Variants in RGS6 observed in about 807,000 individuals in gnomAD.
The protein encoded by RGS6 is regulator of G-protein signaling 6.
In RGS6, 30 loss-of-function variants were observed where a neutral mutation model predicts 78.5. The observed-to-expected ratio is 0.38, with a 90% CI of 0.29 to 0.52. RGS6 has a LOEUF of 0.52. Ranked by LOEUF, RGS6 falls within the 20% of genes least tolerant of loss-of-function variation. RGS6 has a pLI of 0.85. For synonymous variants in RGS6, 206 were observed against 206.0 expected (o/e 1.00, Z 0.00); for missense variants, 495 against 609.7 (o/e 0.81, Z 1.98).
the RGS6 span, among the ~76,000 whole-genome samples, chr14:72,616,078 T>C: frequency 1.3e-5 from 2 of 152,180 alleles, no homozygotes; most frequent in Non-Finnish European, 2.9e-5. Context: ...GGGACCATCA[T>C]CATGCCAGAC....
chr14:72,104,145 A>T (rs1025982024), intron 2 of RGS6, among the ~76,000 whole-genome samples: 10 of 152,022 alleles, frequency 6.6e-5, no homozygotes, highest in Admixed American at 2.0e-4. Flanking sequence ...TACATATGGG[A>T]TGGTATCGTA....
At chr14:72,095,453 T>C (rs1345759826) in intron 2 of RGS6, among the ~76,000 whole-genome samples, 1 of 152,196 alleles carries the variant, frequency 6.6e-6, no homozygotes, top group Non-Finnish European at 1.5e-5. Flanking sequence ...AGGAGGGAAG[T>C]GCAAAGTGGT....
At chr14:72,245,752 G>A (rs976268125) in intron 2 of RGS6, among the ~76,000 whole-genome samples, 1 of 152,230 alleles carries the variant, frequency 6.6e-6, no homozygotes, top group Non-Finnish European at 1.5e-5. Flanking sequence ...GCTCCCAACA[G>A]ACTTGAAGAA....
chr14:72,089,936 G>T (rs1033066260), intron 2 of RGS6, among the ~76,000 whole-genome samples: 2 of 152,078 alleles, frequency 1.3e-5, no homozygotes, highest in Non-Finnish European at 2.9e-5. Context: ...CTGACAGGAA[G>T]GGAGATTGGA....
chr14:72,356,076 G>T (rs2080214803), intron 3 of RGS6, among the ~76,000 whole-genome samples: 1 of 152,148 alleles, frequency 6.6e-6, no homozygotes, highest in Non-Finnish European at 1.5e-5. Context: ...TTCCCTGGGG[G>T]ATTGAGGGGT....
the RGS6 span, among the ~76,000 whole-genome samples, chr14:72,623,144 A>G: frequency 6.6e-6 from 1 of 152,228 alleles, no homozygotes; most frequent in Non-Finnish European, 1.5e-5. Flanking sequence ...ACAAAATGGA[A>G]AGACAAATCA....
chr14:72,114,332 C>G lies in RGS6; in HGVS notation c.84+149457C>G, dbSNP rs76715701. On this transcript the variant is annotated intron_variant, in intron 2 of 17. Coordinates refer to ENST00000553525, the MANE Select transcript of RGS6 (RefSeq NM_001204424.2). ...TCCAGTCTCTCCCCTGCCAGTCTCT[C>G]TTTGTTTGTTGCCCTGGTGTCACTG... Among the ~76,000 whole-genome samples, 936 of 152,302 alleles carry G rather than the reference C, an allele frequency of 6.1e-3. 10 individuals carry two copies. Among genetic ancestry groups the G allele is most frequent in the African/African-American group, 0.022 (899 of 41,568 alleles).
At chr14:72,351,512 C>G (rs1332938735) in intron 2 of RGS6, among the ~76,000 whole-genome samples, 3 of 152,126 alleles carry the variant, frequency 2.0e-5, no homozygotes, top group Non-Finnish European at 4.4e-5. Flanking sequence ...TATCCACATA[C>G]CACCACTCAT....
chr14:71,991,024 A>G, intron 2 of RGS6: 3 of 359,070 alleles, frequency 8.4e-6, no homozygotes, highest in Non-Finnish European at 1.6e-5. Context: ...AATGCCATGT[A>G]AAAAAAGATA....
At chr14:72,294,747 G>C (rs556904579) in intron 2 of RGS6, among the ~76,000 whole-genome samples, 1 of 152,088 alleles carries the variant, frequency 6.6e-6, no homozygotes, top group African/African-American at 2.4e-5. Context: ...TAAAGAACCA[G>C]ATCTCGTGAG....
intron 8 of RGS6, among the ~76,000 whole-genome samples, chr14:72,472,563 A>G (rs1327379107): frequency 1.3e-5 from 2 of 152,220 alleles, no homozygotes; most frequent in East Asian, 3.8e-4. Flanking sequence ...TAATAATCCA[A>G]ATCTTAATAC....
rs1261756638 is a variant in RGS6, at chr14:71,932,805, TC to T, written c.-153del. On this transcript the variant is annotated 5_prime_UTR_variant, in exon 1 of 18. Coordinates refer to ENST00000553525, the MANE Select transcript of RGS6 (RefSeq NM_001204424.2). ...GAGCGGCGCGGAGACGGACTAGACT[TC>T]CCCTCCGCCCCCAAGAGGCTGCCGG... is the stretch of plus-strand genomic sequence containing the variant. The T allele has an allele frequency of 6.6e-6, 1 of 152,108 alleles. No homozygotes were observed. The highest frequency in any genetic ancestry group is 1.9e-4 in the East Asian group (1 of 5,162). The allele number at this position is 152,108 out of a possible 1,614,324, so 9.4% of individuals were successfully genotyped here.
rs1017967181 is a variant in RGS6, at chr14:72,428,101, C to T, written c.185-26427C>T. Among the ~76,000 whole-genome samples the T allele has an allele frequency of 7.2e-5, 11 of 152,202 alleles. 1 individual carries two copies. The highest frequency in any genetic ancestry group is 2.6e-4 in the African/African-American group (11 of 41,542). On this transcript the variant is annotated intron_variant, in intron 3 of 17. Transcript: ENST00000553525. Reference sequence around the variant, plus strand: ...AAGGCTAGATGGGGACTTATCTCACCAATGGAGCCAGAGAACAGATGTTCC... The same window carrying T: ...AAGGCTAGATGGGGACTTATCTCACTAATGGAGCCAGAGAACAGATGTTCC...
At chr14:72,246,910 A>C (rs76513689) in intron 2 of RGS6, among the ~76,000 whole-genome samples, 1 of 56,488 alleles carries the variant, frequency 1.8e-5, no homozygotes, top group African/African-American at 3.9e-5. Context: ...CATCTCAAAA[A>C]AAAAAAAAAA....
intron 12 of RGS6, among the ~76,000 whole-genome samples, chr14:72,493,768 G>GA (rs59035423): frequency 0.13 from 19,025 of 144,722 alleles, 1,251 homozygotes; most frequent in Middle Eastern, 0.19. Context: ...CTGCATACCA[G>GA]AAAAAAAAAA....
chr14:72,594,604 A>AC, the RGS6 span: 1 of 152,196 alleles, frequency 6.6e-6, no homozygotes. Flanking sequence ...TTTGCTGGTT[A>AC]CCCGAAAGCC....
chr14:72,415,338 C>A (rs935660702), intron 3 of RGS6, among the ~76,000 whole-genome samples: 1 of 152,244 alleles, frequency 6.6e-6, no homozygotes, highest in African/African-American at 2.4e-5. Context: ...ACTCTCCAAG[C>A]CAGGTGCAGG....
At chr14:72,200,726 T>C (rs2041307567) in intron 2 of RGS6, among the ~76,000 whole-genome samples, 1 of 152,142 alleles carries the variant, frequency 6.6e-6, no homozygotes, top group African/African-American at 2.4e-5. Flanking sequence ...TTGTTAAATG[T>C]CTGGGGGATT....
chr14:72,425,350 G>C (rs2094390493), intron 3 of RGS6, among the ~76,000 whole-genome samples: 1 of 152,104 alleles, frequency 6.6e-6, no homozygotes, highest in Non-Finnish European at 1.5e-5. Context: ...TGTTGCCCAG[G>C]CTGGTCTCAA....
Sources: gnomAD v4.1 joint callset for allele counts (sites outside exome capture counted in the v4.1 genomes callset) on GRCh38, gnomAD v4.1.1 for gene constraint, MANE v1.5 for transcripts, NCBI Gene and HGNC (gene_info 2026-07-23, HGNC 2026-07-21) for gene names.